CABP5: variants seen among roughly 807,000 people sequenced by gnomAD.
CABP5 encodes the protein calcium binding protein 5.
Under a neutral mutation model 21.9 loss-of-function variants are expected in CABP5, and 17 were observed. That is an observed-to-expected ratio of 0.78 (90% CI 0.53 to 1.17). CABP5 has a LOEUF of 1.17. Ranked by LOEUF, CABP5 falls within the 50% of genes most tolerant of loss-of-function variation. The pLI is 0.00. For missense variants in CABP5, 229 were observed against 228.9 expected, an observed-to-expected ratio of 1.00 and a Z score of 0.00; for synonymous variants, 85 against 79.4, an observed-to-expected ratio of 1.07 and a Z score of -0.37.
intron 3 of CABP5, 64 bp from the exon 4 acceptor site, chr19:48,039,381 G>T: frequency 1.6e-6 from 2 of 1,265,964 alleles, no homozygotes; most frequent in Non-Finnish European, 2.3e-6. Context: ...ACCTCACTTT[G>T]TGCTTCGAGT....
rs200202629 is a variant in CABP5 at position 48,034,203 on chromosome 19, C to T, written c.496+12G>A. The T allele has an allele frequency of 5.2e-6, 8 of 1,548,292 alleles. No individual in the cohort carries two copies. Among genetic ancestry groups the T allele is most frequent in the East Asian group, 2.4e-5 (1 of 41,008 alleles). On this transcript the variant is annotated intron_variant, in intron 5 of 5. Coordinates refer to ENST00000293255, the MANE Select transcript of CABP5 (RefSeq NM_019855.5). ...GCTGCCCCCGCTCCCCACCACGCCC[C>T]GTCAATGTCACCTTCAAAGTCAACT...
rs897264448 is a variant in CABP5 at position 48,039,520 on chromosome 19, T to C, written c.239-203A>G. On this transcript the variant is annotated intron_variant, in intron 3 of 5. Coordinates refer to ENST00000293255, the MANE Select transcript of CABP5 (RefSeq NM_019855.5). ...CAGGAGTGGATAGGGTGTGGTATGG[T>C]GGAAGTAACTGCCTGTGTGACTTTC... Among the ~76,000 whole-genome samples the C allele has an allele frequency of 2.0e-5, 3 of 151,930 alleles. No individual in the cohort carries two copies. The East Asian group carries it at 5.8e-4, about 29-fold the overall frequency.
At chr19:48,036,006 T>A (rs1967404147) in intron 4 of CABP5, among the ~76,000 whole-genome samples, 1 of 152,030 alleles carries the variant, frequency 6.6e-6, no homozygotes, top group South Asian at 2.1e-4. Context: ...AGGAAACCAA[T>A]TAGAGGGCCG....
At chr19:48,031,486 G>A (rs940367472) in intron 5 of CABP5, among the ~76,000 whole-genome samples, 19 of 152,150 alleles carry the variant, frequency 1.2e-4, no homozygotes, top group African/African-American at 4.6e-4. Context: ...GTTGCAGTGA[G>A]CCAAGGTTGC....
In CABP5 at chr19:48,038,228, T is replaced by C. The variant is rs542193494; in HGVS notation, c.348+980A>G. 1.8e-4 allele frequency among the ~76,000 whole-genome samples: 27 copies of C among 152,226 alleles called. No homozygotes were observed. The South Asian group carries it at 5.4e-3, about 30-fold the overall frequency. ...CTGAGCCCGGCCAGCTGTAGATCTTTATAAGAAGCTGGGGGAGGCACTTGC... is the reference window on the plus strand; with the variant it reads ...CTGAGCCCGGCCAGCTGTAGATCTTCATAAGAAGCTGGGGGAGGCACTTGC... On this transcript the variant is annotated intron_variant, in intron 4 of 5. Coordinates refer to ENST00000293255, the MANE Select transcript of CABP5 (RefSeq NM_019855.5).
intron 5 of CABP5, 91 bp downstream of exon 5, chr19:48,034,123 AG>A (rs1212728908): frequency 1.5e-6 from 2 of 1,294,290 alleles, no homozygotes; most frequent in African/African-American, 3.0e-5. Flanking sequence ...AGGAGTGAGA[AG>A]GAGTGGCCAA....
At chr19:48,033,036 CGG>C (rs1967361082) in intron 5 of CABP5, among the ~76,000 whole-genome samples, 1 of 130,468 alleles carries the variant, frequency 7.7e-6, no homozygotes, top group Non-Finnish European at 1.6e-5. Context: ...TTTTTTTGGA[CGG>C]AGTGTTGCTC....
intron 5 of CABP5, among the ~76,000 whole-genome samples, 163 bp from the exon 6 acceptor site, chr19:48,030,745 C>A (rs759912656): frequency 2.0e-5 from 3 of 152,180 alleles, no homozygotes; most frequent in Non-Finnish European, 2.9e-5. Flanking sequence ...GGAATCAGAT[C>A]TCTGTGGCAA....
In CABP5 at chr19:48,043,834, C is replaced by T. The variant is rs375765308; in HGVS notation, c.63+26G>A. On this transcript the variant is annotated intron_variant, in intron 1 of 5. Coordinates refer to ENST00000293255, the MANE Select transcript of CABP5 (RefSeq NM_019855.5). Reference sequence around the variant, plus strand: ...CCTGCTCCCTTTGCCCCGCCCACCGCCCTTCCCCCTCACTCCCCACCTCAC... The same window carrying T: ...CCTGCTCCCTTTGCCCCGCCCACCGTCCTTCCCCCTCACTCCCCACCTCAC... The T allele has an allele frequency of 7.7e-5, 114 of 1,487,386 alleles. 1 individual carries two copies. The African/African-American group carries it at 1.6e-3, about 21-fold the overall frequency. 92.1% of individuals were successfully genotyped at this position (1,487,386 alleles called of 1,614,324 possible).
intron 4 of CABP5, among the ~76,000 whole-genome samples, chr19:48,036,547 G>A (rs747776417): frequency 6.6e-6 from 1 of 152,180 alleles, no homozygotes; most frequent in Non-Finnish European, 1.5e-5. Context: ...TTGTACCATG[G>A]GTATAAAGTT....
intron 1 of CABP5, among the ~76,000 whole-genome samples, chr19:48,043,533 C>CCATCACCACCATCT (rs139672144): frequency 1.4e-4 from 3 of 21,120 alleles, no homozygotes; most frequent in African/African-American, 3.7e-4. Flanking sequence ...ATCACCACCA[C>CCATCACCACCATCT]CACCATCATC....
Position 48,034,312 on chromosome 19 carries a change from G to A in CABP5, c.399C>T (p.Ala133=). The change falls in exon 5 of 6, where the codon GCC becomes GCT. Residue 133 remains alanine (A), a synonymous_variant. Transcript: ENST00000293255. The part of the protein sequence containing the change: ...GEITLVELQQ[A]MQRLLGERLT... ...GCCGCTCCCCCAGGAGTCTCTGCATGGCCTGCTGTAGCTCCACCAGGGTGA... is the reference window on the plus strand; with the variant it reads ...GCCGCTCCCCCAGGAGTCTCTGCATAGCCTGCTGTAGCTCCACCAGGGTGA... 1 of 1,607,802 alleles carries A rather than the reference G, an allele frequency of 6.2e-7. No individual in the cohort carries two copies. Among genetic ancestry groups the A allele is most frequent in the Non-Finnish European group, 8.5e-7 (1 of 1,177,562 alleles).
chr19:48,030,277 G>A lies in CABP5; in HGVS notation c.*280C>T, dbSNP rs1967322344. The A allele has an allele frequency of 2.4e-6, 1 of 420,564 alleles. No individual in the cohort carries two copies. Among genetic ancestry groups the A allele is most frequent in the Non-Finnish European group, 4.2e-6 (1 of 238,664 alleles). 26.1% of individuals were successfully genotyped at this position (420,564 alleles called of 1,614,324 possible). A position where few individuals can be genotyped will look rare whatever the true frequency, so the allele number is the denominator to read the frequency against. Reference sequence around the variant, plus strand: ...ACTACGTGAAGTGAAAAGATGTCAAGAATCATTGGAATTTTTGGGGGTGGC... The same window carrying A: ...ACTACGTGAAGTGAAAAGATGTCAAAAATCATTGGAATTTTTGGGGGTGGC... On this transcript the variant is annotated 3_prime_UTR_variant, in exon 6 of 6. Coordinates refer to ENST00000293255, the MANE Select transcript of CABP5 (RefSeq NM_019855.5).
In CABP5 at chr19:48,029,828, G is replaced by GACAGAGAGAGAGAGAGAGAGAGAGAC. The variant is rs1555737223; in HGVS notation, c.*728_*729insGTCTCTCTCTCTCTCTCTCTCTCTGT. 2 of 150,424 alleles carry GACAGAGAGAGAGAGAGAGAGAGAGAC rather than the reference G, an allele frequency of 1.3e-5. No homozygotes were observed. The highest frequency in any genetic ancestry group is 5.0e-5 in the African/African-American group (2 of 40,294). 9.3% of individuals were successfully genotyped at this position (150,424 alleles called of 1,614,324 possible). On this transcript the variant is annotated 3_prime_UTR_variant, in exon 6 of 6. Transcript: ENST00000293255. ...AGAGAGAGAGAGAGAGAGAGAGAGAGAGAGAGAGAAACCAGACAGTGCTTC... is the reference window on the plus strand; with the variant it reads ...AGAGAGAGAGAGAGAGAGAGAGAGAGACAGAGAGAGAGAGAGAGAGAGAGACAGAGAGAGAAACCAGACAGTGCTTC...
At chr19:48,034,540 C>A (rs971631560) in intron 4 of CABP5, among the ~76,000 whole-genome samples, 178 bp from the exon 5 acceptor site, 1 of 121,088 alleles carries the variant, frequency 8.3e-6, no homozygotes, top group Admixed American at 8.5e-5. Flanking sequence ...TTCTTTTTTT[C>A]TTTCTTTTTT....
chr19:48,038,660 C>G (rs1202370199), intron 4 of CABP5, among the ~76,000 whole-genome samples: 1 of 152,238 alleles, frequency 6.6e-6, no homozygotes, highest in African/African-American at 2.4e-5. Flanking sequence ...AACCCCGTCT[C>G]TACGAAAAAT....
intron 4 of CABP5, 55 bp downstream of exon 4, chr19:48,039,153 A>G (rs1188577692): frequency 1.4e-6 from 2 of 1,409,672 alleles, no homozygotes; most frequent in South Asian, 1.2e-5. Flanking sequence ...AATTACAGGC[A>G]GACCTCAGAG....
At chr19:48,039,863 G>A (rs956871095) in intron 3 of CABP5, among the ~76,000 whole-genome samples, 3 of 151,472 alleles carry the variant, frequency 2.0e-5, no homozygotes, top group African/African-American at 4.9e-5. Context: ...ACAGGTGCAC[G>A]CCATCACGCC....
intron 4 of CABP5, among the ~76,000 whole-genome samples, chr19:48,038,877 A>G (rs1408503177): frequency 1.3e-5 from 2 of 151,998 alleles, no homozygotes; most frequent in Non-Finnish European, 2.9e-5. Context: ...ATCTTGGATA[A>G]GATTTATAAT....
Sources: gnomAD v4.1 joint callset for allele counts (sites outside exome capture counted in the v4.1 genomes callset) on GRCh38, gnomAD v4.1.1 for gene constraint, MANE v1.5 for transcripts, NCBI Gene and HGNC (gene_info 2026-07-23, HGNC 2026-07-21) for gene names.